The following RFX3 variants were observed in gnomAD, a reference collection of about 807,000 sequenced individuals.
The protein encoded by RFX3 is regulatory factor X3.
RFX3 carries 14 observed loss-of-function variants against 98.6 expected under a neutral mutation model. That is an observed-to-expected ratio of 0.14 (90% CI 0.09 to 0.22). The LOEUF is 0.22. Among genes scored for constraint, RFX3 ranks in the 10% least tolerant of loss-of-function variants. The pLI is 1.00. For missense variants in RFX3, 639 were observed against 926.9 expected (o/e 0.69, Z 4.03); for synonymous variants, 383 against 328.4 (o/e 1.17, Z -1.80).
At chr9:3,448,492 T>C (rs1846253229) in intron 1 of RFX3, among the ~76,000 whole-genome samples, 1 of 152,182 alleles carries the variant, frequency 6.6e-6, no homozygotes, top group Admixed American at 6.5e-5. Flanking sequence ...AGCAGCTTAT[T>C]ACAACCCACA....
At chr9:3,259,860 T>C (rs938057953) in intron 13 of RFX3, among the ~76,000 whole-genome samples, 4 of 152,098 alleles carry the variant, frequency 2.6e-5, no homozygotes, top group Non-Finnish European at 4.4e-5. Flanking sequence ...AAGTGTATTA[T>C]AATATTGACA....
At chr9:3,326,428 C>A (rs1205632024) in intron 4 of RFX3, among the ~76,000 whole-genome samples, 1 of 152,066 alleles carries the variant, frequency 6.6e-6, no homozygotes, top group Non-Finnish European at 1.5e-5. Context: ...CCAATTATTT[C>A]ATCACCTAGG....
intron 1 of RFX3, among the ~76,000 whole-genome samples, chr9:3,508,964 C>A (rs1041575160): frequency 6.6e-6 from 1 of 151,820 alleles, no homozygotes; most frequent in African/African-American, 2.4e-5. Flanking sequence ...CAGACACACA[C>A]ACACACACAC....
chr9:3,367,272 T>TA (rs1456277685), intron 2 of RFX3, among the ~76,000 whole-genome samples: 2 of 151,960 alleles, frequency 1.3e-5, no homozygotes, highest in African/African-American at 4.8e-5. Context: ...ATGGAGGGGC[T>TA]ACAAGAGAAG....
At chr9:3,408,333 AC>A (rs1254254906) in intron 1 of RFX3, among the ~76,000 whole-genome samples, 2 of 152,094 alleles carry the variant, frequency 1.3e-5, no homozygotes, top group African/African-American at 4.8e-5. Context: ...CCCATAGGTA[AC>A]CCTGCAGTAC....
rs543890422 is a variant in RFX3 at position 3,297,378 on chromosome 9, A to G, written c.550-4120T>C. On this transcript the variant is annotated intron_variant, in intron 5 of 16. Coordinates refer to ENST00000617270, the MANE Select transcript of RFX3 (RefSeq NM_001282116.2). ...GATTACTCTACTTATGAACTAATATACACTCATTTAATGGTGGAAACGAAG... is the reference window on the plus strand; with the variant it reads ...GATTACTCTACTTATGAACTAATATGCACTCATTTAATGGTGGAAACGAAG... Among the ~76,000 whole-genome samples, 92 of 152,226 alleles carry G rather than the reference A, an allele frequency of 6.0e-4. 1 individual carries two copies. Among genetic ancestry groups the G allele is most frequent in the African/African-American group, 2.2e-3 (90 of 41,560 alleles).
At chr9:3,501,336 T>C (rs1047131234) in intron 1 of RFX3, among the ~76,000 whole-genome samples, 1 of 151,884 alleles carries the variant, frequency 6.6e-6, no homozygotes, top group Non-Finnish European at 1.5e-5. Flanking sequence ...ATAAATAGAG[T>C]TGGTAAACAA....
chr9:3,328,274 A>AT (rs1832158536), intron 4 of RFX3, among the ~76,000 whole-genome samples: 2 of 152,094 alleles, frequency 1.3e-5, no homozygotes, highest in Non-Finnish European at 2.9e-5. Flanking sequence ...TACTGCCACC[A>AT]TTTTCTATCT....
intron 7 of RFX3, among the ~76,000 whole-genome samples, chr9:3,283,660 A>G (rs1458374839): frequency 1.3e-5 from 2 of 151,726 alleles, no homozygotes; most frequent in African/African-American, 4.8e-5. Flanking sequence ...CATCTTTCCA[A>G]ATGACCTCTT....
rs553269365 is a variant in RFX3, at chr9:3,250,289, G to A, written c.1815-2104C>T. Among the ~76,000 whole-genome samples the A allele has an allele frequency of 1.4e-3, 217 of 152,046 alleles. 1 individual carries two copies. Among genetic ancestry groups the A allele is most frequent in the African/African-American group, 5.2e-3 (214 of 41,548 alleles). On this transcript the variant is annotated intron_variant, in intron 14 of 16. Coordinates refer to ENST00000617270, the MANE Select transcript of RFX3 (RefSeq NM_001282116.2). Reference sequence around the variant, plus strand: ...ATTTGCTCCTAATTGCATTTATCTTGCTGAAGAAAGATAGCAAGTATTTAA... The same window carrying A: ...ATTTGCTCCTAATTGCATTTATCTTACTGAAGAAAGATAGCAAGTATTTAA...
At chr9:3,461,948 T>C (rs1450006752) in intron 1 of RFX3, among the ~76,000 whole-genome samples, 1 of 152,006 alleles carries the variant, frequency 6.6e-6, no homozygotes, top group Non-Finnish European at 1.5e-5. Flanking sequence ...TATTAAGATA[T>C]TTCTTATTTC....
intron 1 of RFX3, among the ~76,000 whole-genome samples, chr9:3,435,371 C>CT (rs1845030298): frequency 6.9e-6 from 1 of 144,770 alleles, no homozygotes. Context: ...ATTCCGTAAT[C>CT]TTTTTGTATA....
rs368863374 is a variant in RFX3, at chr9:3,460,018, A to G, written c.-8-64422T>C. Among the ~76,000 whole-genome samples the G allele has an allele frequency of 4.6e-5, 7 of 151,606 alleles. No homozygotes were observed. In the East Asian group the frequency reaches 1.4e-3, roughly 29 times the overall value. On this transcript the variant is annotated intron_variant, in intron 1 of 16. Transcript: ENST00000617270. ...ATAATGATATAGTGACATGATGGAG[A>G]AAAAAAAACTTTATTATAACAAATG...
intron 1 of RFX3, among the ~76,000 whole-genome samples, chr9:3,466,475 A>G (rs1380613662): frequency 3.3e-5 from 5 of 152,206 alleles, no homozygotes; most frequent in Non-Finnish European, 5.9e-5. Flanking sequence ...GAATTAAAAG[A>G]TGAAGAACAT....
At chr9:3,255,971 C>CT (rs1188309644) in intron 14 of RFX3, among the ~76,000 whole-genome samples, 2,589 of 148,574 alleles carry the variant, frequency 0.017, 68 homozygotes, top group African/African-American at 0.058. Context: ...TTATCTCTCT[C>CT]TTTTTTTTTT....
chr9:3,486,402 C>A (rs1850280552), intron 1 of RFX3, among the ~76,000 whole-genome samples: 1 of 152,058 alleles, frequency 6.6e-6, no homozygotes. Context: ...AAAGAGTAAA[C>A]AGAAATACAA....
intron 2 of RFX3, among the ~76,000 whole-genome samples, chr9:3,374,578 G>C (rs964229070): frequency 1.3e-5 from 2 of 152,202 alleles, no homozygotes; most frequent in Admixed American, 6.5e-5. Context: ...GATGAACTTT[G>C]AGGACATTTC....
chr9:3,449,400 AT>A (rs1846360149), intron 1 of RFX3, among the ~76,000 whole-genome samples: 1 of 152,114 alleles, frequency 6.6e-6, no homozygotes, highest in Non-Finnish European at 1.5e-5. Context: ...ATGTTTGCTT[AT>A]TTATTAGAGA....
intron 4 of RFX3, among the ~76,000 whole-genome samples, chr9:3,314,699 C>CA (rs950716224): frequency 2.6e-4 from 37 of 143,100 alleles, no homozygotes; most frequent in East Asian, 2.2e-3. Flanking sequence ...AAATGGAAAA[C>CA]AAAAAAAAAA....
Sources: allele counts gnomAD v4.1 joint callset (sites outside exome capture counted in the v4.1 genomes callset), GRCh38; gene constraint gnomAD v4.1.1; transcripts MANE v1.5; gene names NCBI Gene and HGNC (gene_info 2026-07-23, HGNC 2026-07-21).